The following PAH variants were observed in gnomAD, a reference collection of about 807,000 sequenced individuals.
PAH encodes phenylalanine hydroxylase.
PAH carries 64 observed loss-of-function variants against 62.0 expected under a neutral mutation model. The ratio of observed to expected loss-of-function variants is 1.03; its 90% CI spans 0.84 to 1.27. The LOEUF (loss-of-function observed/expected upper bound fraction) is 1.27, where lower values mean the gene tolerates loss of function less well. PAH is among the 50% of genes most tolerant of loss of function. The pLI is 0.00. For synonymous variants in PAH, 195 were observed against 196.2 expected, an observed-to-expected ratio of 0.99 and a Z score of 0.05; for missense variants, 579 against 542.8, an observed-to-expected ratio of 1.07 and a Z score of -0.66.
intron 5 of PAH, among the ~76,000 whole-genome samples, chr12:102,855,654 C>G (rs2136650266): frequency 6.6e-6 from 1 of 152,236 alleles, no homozygotes; most frequent in South Asian, 2.1e-4. Context: ...ATTCACTTAC[C>G]TGCACGGGCC....
intron 11 of PAH, among the ~76,000 whole-genome samples, chr12:102,841,653 A>G (rs1414097571): frequency 2.0e-5 from 3 of 151,980 alleles, no homozygotes; most frequent in Non-Finnish European, 4.4e-5. Flanking sequence ...ATATATTTCC[A>G]CCCCTTCTTC....
At chr12:102,937,204 A>T (rs7306836) in intron 1 of PAH, among the ~76,000 whole-genome samples, 4,900 of 152,214 alleles carry the variant, frequency 0.032, 272 homozygotes, top group African/African-American at 0.11. Context: ...TTGTCTTTAT[A>T]AGCAGTGTGA....
At position 102,889,549 on chromosome 12, in the gene PAH, C is replaced by CAGAT. The variant is rs71097953; in HGVS notation, c.352+5182_352+5185dup. ...ATAGATAGACGGATAGATAGATAGA[C>CAGAT]AGATAGATAGATAGATAGATAGACA... is the stretch of plus-strand genomic sequence containing the variant. On this transcript the variant is annotated intron_variant, in intron 3 of 12. Transcript: ENST00000553106. 1.2e-3 allele frequency among the ~76,000 whole-genome samples: 175 copies of CAGAT among 143,324 alleles called. 1 individual carries two copies. The highest frequency in any genetic ancestry group is 0.011 in the South Asian group (49 of 4,572). 94.0% of individuals were successfully genotyped at this position (143,324 alleles called of 152,430 possible). A position where few individuals can be genotyped will look rare whatever the true frequency, so the allele number is the denominator to read the frequency against.
At chr12:102,867,191 G>A (rs902659531) in intron 4 of PAH, among the ~76,000 whole-genome samples, 7 of 152,146 alleles carry the variant, frequency 4.6e-5, no homozygotes, top group Non-Finnish European at 1.0e-4. Context: ...TTGCGAGTTC[G>A]ATGAGTATGA....
intron 12 of PAH, 99 bp from the exon 13 acceptor site, chr12:102,839,317 T>C (rs1874489490): frequency 8.6e-7 from 1 of 1,165,260 alleles, no homozygotes; most frequent in Non-Finnish European, 1.3e-6. Flanking sequence ...GTGGGCTTCT[T>C]GGATGAGCTG....
intron 3 of PAH, among the ~76,000 whole-genome samples, chr12:102,890,700 G>A (rs1351881082): frequency 6.6e-6 from 1 of 152,232 alleles, no homozygotes; most frequent in Non-Finnish European, 1.5e-5. Context: ...GAGCAAGAAA[G>A]CGAGAAGCCC....
chr12:102,842,950 C>G (rs1414781559), intron 11 of PAH, among the ~76,000 whole-genome samples: 1 of 152,132 alleles, frequency 6.6e-6, no homozygotes, highest in East Asian at 1.9e-4. Flanking sequence ...TCTGCCCAGT[C>G]TGTCTCCTGC....
At chr12:102,866,803 G>A (rs1054515452) in intron 4 of PAH, 140 bp from the exon 5 acceptor site, 4 of 752,638 alleles carry the variant, frequency 5.3e-6, no homozygotes, top group Middle Eastern at 2.3e-4. Flanking sequence ...CTAAAGTCTC[G>A]GTTAAACTTA....
chr12:102,875,003 G>C (rs2136675855), intron 4 of PAH, among the ~76,000 whole-genome samples: 1 of 152,290 alleles, frequency 6.6e-6, no homozygotes, highest in African/African-American at 2.4e-5. Flanking sequence ...ACCACTCCTT[G>C]TGCTGGTGTC....
At chr12:102,913,924 G>A (rs1592989484) in intron 1 of PAH, 2 of 684,958 alleles carry the variant, frequency 2.9e-6, no homozygotes, top group East Asian at 5.4e-5. Context: ...TAAGCAGCAG[G>A]TACCTAAAAC....
At chr12:102,917,772 T>G (rs964753826), upstream of PAH, among the ~76,000 whole-genome samples, 4 of 152,138 alleles carry the variant, frequency 2.6e-5, no homozygotes, top group African/African-American at 9.7e-5. Flanking sequence ...TGGGTTTAAA[T>G]CCAGCCTGGT....
intron 5 of PAH, among the ~76,000 whole-genome samples, chr12:102,862,441 A>G (rs1181552202): frequency 6.6e-6 from 1 of 152,100 alleles, no homozygotes; most frequent in Non-Finnish European, 1.5e-5. Context: ...AAAATAACTA[A>G]TGGGTGCTAG....
chr12:102,916,924 T>C (rs536740836), intron 1 of PAH, 147 bp downstream of exon 1: 2 of 775,442 alleles, frequency 2.6e-6, no homozygotes, highest in African/African-American at 3.5e-5. Context: ...CATTTGTCTG[T>C]TGACTTCCTG....
intron 11 of PAH, among the ~76,000 whole-genome samples, chr12:102,842,425 T>C (rs534059430): frequency 3.3e-5 from 5 of 152,276 alleles, no homozygotes; most frequent in African/African-American, 7.2e-5. Context: ...TATCTAAAGA[T>C]AGTAGACATA....
upstream of PAH, chr12:102,917,319 C>A (rs1319529600): frequency 3.2e-6 from 2 of 634,204 alleles, no homozygotes; most frequent in Non-Finnish European, 5.7e-6. Flanking sequence ...ACGCAGGAGG[C>A]CAGGGCAGCC....
intron 11 of PAH, among the ~76,000 whole-genome samples, chr12:102,842,399 G>A (rs1174620145): frequency 6.6e-6 from 1 of 152,172 alleles, no homozygotes; most frequent in Non-Finnish European, 1.5e-5. Flanking sequence ...TTGTGGGCCA[G>A]CATTTTACCT....
At chr12:102,857,181 G>A (rs1011985629) in intron 5 of PAH, among the ~76,000 whole-genome samples, 2 of 152,220 alleles carry the variant, frequency 1.3e-5, no homozygotes, top group African/African-American at 4.8e-5. Context: ...CGTGACAAAT[G>A]CACAAGCTTC....
chr12:102,919,640 G>A (rs1878506654), upstream of PAH, among the ~76,000 whole-genome samples: 1 of 151,760 alleles, frequency 6.6e-6, no homozygotes, highest in Non-Finnish European at 1.5e-5. Flanking sequence ...CTACTCTCTA[G>A]CTCCATGAAT....
At chr12:102,930,105 C>A (rs941330650) in intron 1 of PAH, among the ~76,000 whole-genome samples, 2 of 152,140 alleles carry the variant, frequency 1.3e-5, no homozygotes, top group Admixed American at 6.5e-5. Flanking sequence ...AGATTGCTAA[C>A]CCCATTTTAA....
Sources: gnomAD v4.1 joint callset for allele counts (sites outside exome capture counted in the v4.1 genomes callset) on GRCh38, gnomAD v4.1.1 for gene constraint, MANE v1.5 for transcripts, NCBI Gene and HGNC (gene_info 2026-07-23, HGNC 2026-07-21) for gene names.